The following ADAMTSL1 variants were observed in gnomAD, a reference collection of about 807,000 sequenced individuals.
The protein encoded by ADAMTSL1 is ADAMTS like 1, also known as ADAMTS-like protein 1.
In ADAMTSL1, 126 loss-of-function variants were observed where a neutral mutation model predicts 201.8. The observed-to-expected ratio is 0.62, with a 90% CI of 0.54 to 0.72. The LOEUF is 0.72. Ranked by LOEUF, ADAMTSL1 falls within the 30% of genes least tolerant of loss-of-function variation. The pLI is 0.00. For synonymous variants in ADAMTSL1, 1,121 were observed against 903.4 expected (o/e 1.24, Z -4.32); for missense variants, 2,679 against 2,277.8 (o/e 1.18, Z -3.59).
At chr9:18,866,014 G>A (rs1480670345) in intron 23 of ADAMTSL1, among the ~76,000 whole-genome samples, 1 of 150,974 alleles carries the variant, frequency 6.6e-6, no homozygotes, top group Non-Finnish European at 1.5e-5. Flanking sequence ...GGTTGGGAAT[G>A]GTTTATTATT....
At chr9:18,674,778 C>A (rs569356830) in intron 9 of ADAMTSL1, among the ~76,000 whole-genome samples, 1 of 152,228 alleles carries the variant, frequency 6.6e-6, no homozygotes, top group African/African-American at 2.4e-5. Context: ...GGCTTTCTAT[C>A]ATTTATCAGT....
chr9:18,796,056 A>T (rs915547924), intron 20 of ADAMTSL1, among the ~76,000 whole-genome samples: 1 of 152,174 alleles, frequency 6.6e-6, no homozygotes, highest in Non-Finnish European at 1.5e-5. Flanking sequence ...CCCTTTATCC[A>T]TTGAGGTTAG....
intron 2 of ADAMTSL1, among the ~76,000 whole-genome samples, chr9:18,418,811 A>G (rs1396671888): frequency 2.6e-5 from 4 of 152,202 alleles, no homozygotes; most frequent in Non-Finnish European, 5.9e-5. Context: ...TCACAATCCT[A>G]TGAGGATATT....
rs1484051403 is a variant in ADAMTSL1 at position 18,197,617 on chromosome 9, G to A, written c.207+33636G>A. On this transcript the variant is annotated intron_variant, in intron 2 of 29. Coordinates refer to the ADAMTSL1 transcript ENST00000680146. ...GGTTTTCTAGATATACAATCATGTC[G>A]TCTGCAAACAGGGACAATTTGACTT... is the stretch of plus-strand genomic sequence containing the variant. Among the ~76,000 whole-genome samples, 95 of 147,640 alleles carry A rather than the reference G, an allele frequency of 6.4e-4. 1 individual carries two copies. Among genetic ancestry groups the A allele is most frequent in the South Asian group, 6.7e-4 (3 of 4,492 alleles).
intron 21 of ADAMTSL1, 21 bp from the exon 22 acceptor site, chr9:18,826,263 G>GTTTTTT (rs35525189): frequency 1.5e-6 from 2 of 1,356,516 alleles, no homozygotes; most frequent in Admixed American, 2.0e-5. Context: ...GGGGTTTTTT[G>GTTTTTT]TTTTTTTTTT....
intron 16 of ADAMTSL1, among the ~76,000 whole-genome samples, chr9:18,767,491 G>A (rs1181815003): frequency 6.6e-6 from 1 of 152,164 alleles, no homozygotes; most frequent in Non-Finnish European, 1.5e-5. Flanking sequence ...TTCGATGTAA[G>A]AATTTGACAG....
intron 4 of ADAMTSL1, among the ~76,000 whole-genome samples, chr9:18,605,868 C>T (rs530472680): frequency 6.6e-5 from 10 of 152,270 alleles, no homozygotes; most frequent in Non-Finnish European, 7.4e-5. Flanking sequence ...ACTCTCCTTG[C>T]GTCACGCTTG....
chr9:18,244,352 GCA>G (rs973955645), intron 2 of ADAMTSL1, among the ~76,000 whole-genome samples: 3 of 151,940 alleles, frequency 2.0e-5, no homozygotes, highest in Non-Finnish European at 4.4e-5. Context: ...TCTTCTGAAA[GCA>G]CAGTTCTGAT....
At chr9:18,874,186 T>C (rs757854996) in intron 23 of ADAMTSL1, among the ~76,000 whole-genome samples, 3 of 152,166 alleles carry the variant, frequency 2.0e-5, no homozygotes, top group Non-Finnish European at 4.4e-5. Context: ...TTCTAGGTGC[T>C]TTTTGGAAGA....
intron 1 of ADAMTSL1, among the ~76,000 whole-genome samples, chr9:18,001,249 A>G (rs1362072931): frequency 2.0e-5 from 3 of 152,118 alleles, no homozygotes; most frequent in African/African-American, 7.2e-5. Context: ...AAGCCCAAAG[A>G]TTAAATACAT....
At position 18,908,911 on chromosome 9, in the gene ADAMTSL1, T is replaced by C. The variant is rs1194378372; in HGVS notation, c.*363T>C. 5.1e-6 allele frequency: 1 copy of C among 197,024 alleles called. No homozygotes were observed. Among genetic ancestry groups the C allele is most frequent in the African/African-American group, 2.4e-5 (1 of 42,338 alleles). 12.2% of individuals were successfully genotyped at this position (197,024 alleles called of 1,614,324 possible). A position where few individuals can be genotyped will look rare whatever the true frequency, so the allele number is the denominator to read the frequency against. On this transcript the variant is annotated 3_prime_UTR_variant, in exon 29 of 29. Transcript: ENST00000380548. ...GGACAGCAGGGAGCCAGAAGGTTTG[T>C]AGCCTATTGGTGCAAACATTGGACA...
intron 1 of ADAMTSL1, among the ~76,000 whole-genome samples, chr9:17,959,572 C>T (rs150428321): frequency 2.0e-5 from 3 of 152,218 alleles, no homozygotes; most frequent in Non-Finnish European, 4.4e-5. Context: ...GATTCTCCTG[C>T]CTCAGCCTCC....
rs1438405814 is a variant in ADAMTSL1, at chr9:18,829,886, G to A, written c.4158G>A (p.Leu1386=). The A allele has an allele frequency of 1.9e-6, 3 of 1,613,940 alleles. No individual in the cohort carries two copies. The highest frequency in any genetic ancestry group is 2.5e-6 in the Non-Finnish European group (3 of 1,179,864). Residue 1386 remains leucine, a synonymous_variant, in exon 23 of 29, where the codon TTG becomes TTA. Coordinates refer to ENST00000380548, the MANE Select transcript of ADAMTSL1 (RefSeq NM_001040272.6). ...CACAGTTGGAAGACATCAGGGCCTT[G>A]CTCGCTGCCACTGGACCGAACCTTC... ...VPTQLEDIRA[L]LAATGPNLPS...
At chr9:18,869,203 C>G (rs967377029) in intron 23 of ADAMTSL1, among the ~76,000 whole-genome samples, 1 of 152,204 alleles carries the variant, frequency 6.6e-6, no homozygotes, top group Non-Finnish European at 1.5e-5. Flanking sequence ...TCTCACAGTC[C>G]TCAAATGGAG....
chr9:18,412,314 G>T (rs1006844763), intron 2 of ADAMTSL1, among the ~76,000 whole-genome samples: 8 of 152,320 alleles, frequency 5.3e-5, no homozygotes, highest in African/African-American at 1.9e-4. Flanking sequence ...AGATTAATCA[G>T]TGGACACAGG....
intron 4 of ADAMTSL1, among the ~76,000 whole-genome samples, chr9:18,613,897 TTAAA>T (rs1203344586): frequency 1.3e-5 from 2 of 152,124 alleles, no homozygotes; most frequent in Admixed American, 1.3e-4. Context: ...AAGTTAAAAA[TTAAA>T]TATTATGACT....
chr9:18,644,087 T>A (rs1357873093), intron 7 of ADAMTSL1, among the ~76,000 whole-genome samples: 1 of 152,032 alleles, frequency 6.6e-6, no homozygotes, highest in Non-Finnish European at 1.5e-5. Context: ...TGTCTTTCAC[T>A]TTCTTGATTA....
intron 23 of ADAMTSL1, among the ~76,000 whole-genome samples, chr9:18,867,199 A>T (rs1588270586): frequency 6.6e-6 from 1 of 152,358 alleles, no homozygotes; most frequent in South Asian, 2.1e-4. Flanking sequence ...TCAGAAGCAA[A>T]GGTATTGAGC....
Position 18,900,299 on chromosome 9 carries a change from A to G in ADAMTSL1, c.4852-5483A>G, listed in dbSNP as rs1008260269. 8.5e-5 allele frequency among the ~76,000 whole-genome samples: 13 copies of G among 152,364 alleles called. 1 individual carries two copies. The South Asian group carries it at 2.7e-3, about 32-fold the overall frequency. On this transcript the variant is annotated intron_variant, in intron 26 of 28. Transcript: ENST00000380548. The stretch of plus-strand genomic sequence containing the variant: ...GAAACAGATGCTGGTGAGGTTGCAG[A>G]GAAAAAGGAACACTTTCACACTGTT...
Sources: gnomAD v4.1 joint callset for allele counts (sites outside exome capture counted in the v4.1 genomes callset) on GRCh38, gnomAD v4.1.1 for gene constraint, MANE v1.5 for transcripts, NCBI Gene and HGNC (gene_info 2026-07-23, HGNC 2026-07-21) for gene names.